AP2B1: variants seen among roughly 807,000 people sequenced by gnomAD.
AP2B1 encodes AP-2 complex subunit beta.
Under a neutral mutation model 102.0 loss-of-function variants are expected in AP2B1, and 23 were observed. The ratio of observed to expected loss-of-function variants is 0.23; its 90% CI spans 0.16 to 0.32. The LOEUF is 0.32. Ranked by LOEUF, AP2B1 falls within the 10% of genes least tolerant of loss-of-function variation. AP2B1 has a pLI of 1.00. For missense variants in AP2B1, 541 were observed against 1,157.4 expected, an observed-to-expected ratio of 0.47 and a Z score of 7.73; for synonymous variants, 381 against 421.2, an observed-to-expected ratio of 0.90 and a Z score of 1.17.
intron 5 of AP2B1, among the ~76,000 whole-genome samples, chr17:35,616,296 C>T (rs113416187): frequency 0.13 from 20,197 of 150,964 alleles, 1,373 homozygotes; most frequent in Middle Eastern, 0.17. Context: ...TTCTGAGTAG[C>T]TGGGACTACA....
At chr17:35,659,124 C>T (rs1432543185) in intron 14 of AP2B1, among the ~76,000 whole-genome samples, 1 of 152,160 alleles carries the variant, frequency 6.6e-6, no homozygotes. Flanking sequence ...TCCTTATAGA[C>T]TCCGGAGAGT....
Position 35,587,398 on chromosome 17 carries a change from AC to A in AP2B1, c.-49del. ...GCTGTGCTCTCCGGCTCCCGCCGCC[AC>A]CCCCGCCCTCGCCTTCGCCTCCGCC... is the stretch of plus-strand genomic sequence containing the variant. On this transcript the variant is annotated 5_prime_UTR_variant, in exon 1 of 22. Coordinates refer to ENST00000610402, the MANE Select transcript of AP2B1 (RefSeq NM_001030006.2). 1.3e-5 allele frequency: 2 copies of A among 153,272 alleles called. No homozygotes were observed. Among genetic ancestry groups the A allele is most frequent in the Non-Finnish European group, 2.9e-5 (2 of 68,972 alleles). The allele number at this position is 153,272 out of a possible 1,614,324, so 9.5% of individuals were successfully genotyped here. A position where few individuals can be genotyped will look rare whatever the true frequency, so the allele number is the denominator to read the frequency against.
chr17:35,699,971 G>A (rs192028839), intron 18 of AP2B1, among the ~76,000 whole-genome samples: 21 of 152,110 alleles, frequency 1.4e-4, no homozygotes, highest in Non-Finnish European at 2.4e-4. Context: ...TGGCACATGC[G>A]TGTAGTTTCA....
chr17:35,631,028 A>G (rs1484645191), intron 9 of AP2B1, among the ~76,000 whole-genome samples: 1 of 152,206 alleles, frequency 6.6e-6, no homozygotes, highest in Admixed American at 6.5e-5. Flanking sequence ...AAGAATTGTA[A>G]TGAACTTTCT....
intron 5 of AP2B1, among the ~76,000 whole-genome samples, chr17:35,622,630 T>C (rs2074211191): frequency 6.6e-6 from 1 of 152,198 alleles, no homozygotes; most frequent in Admixed American, 6.5e-5. Context: ...TGCTGAAGCT[T>C]GTCTCCTATC....
chr17:35,597,358 G>A (rs73990211), intron 2 of AP2B1, among the ~76,000 whole-genome samples: 6,758 of 151,988 alleles, frequency 0.044, 181 homozygotes, highest in African/African-American at 0.07. Context: ...TTTTGGTTCC[G>A]GCTTCTTGCA....
chr17:35,678,665 T>C (rs2075752858), intron 17 of AP2B1, among the ~76,000 whole-genome samples: 1 of 152,224 alleles, frequency 6.6e-6, no homozygotes, highest in African/African-American at 2.4e-5. Context: ...CAGTTGACTT[T>C]TCAAATGTTA....
At chr17:35,609,522 A>G (rs1000156535) in intron 5 of AP2B1, among the ~76,000 whole-genome samples, 22 of 151,718 alleles carry the variant, frequency 1.5e-4, no homozygotes, top group African/African-American at 4.8e-4. Flanking sequence ...AATTTTTTGT[A>G]TTTTTTAGTA....
rs369015632 is a variant in AP2B1, at chr17:35,624,561, C to T, written c.690C>T (p.Asn230=). Residue 230 remains asparagine (N), a synonymous_variant, in exon 6 of 22, where the codon AAC becomes AAT. Coordinates refer to ENST00000610402, the MANE Select transcript of AP2B1 (RefSeq NM_001030006.2). ...TCCTGGACTGCCTGTCTAATTACAACCCTAAAGATGATCGGGAGGCTCAGA... is the reference window on the plus strand; with the variant it reads ...TCCTGGACTGCCTGTCTAATTACAATCCTAAAGATGATCGGGAGGCTCAGA... ...IFILDCLSNY[N]PKDDREAQSI... 3 of 1,613,126 alleles carry T rather than the reference C, an allele frequency of 1.9e-6. No homozygotes were observed. Among genetic ancestry groups the T allele is most frequent in the African/African-American group, 2.7e-5 (2 of 74,892 alleles).
At chr17:35,691,177 A>G (rs982879785) in intron 18 of AP2B1, among the ~76,000 whole-genome samples, 1 of 152,160 alleles carries the variant, frequency 6.6e-6, no homozygotes, top group South Asian at 2.1e-4. Context: ...AGTGCTGAAG[A>G]CACTAGCTGC....
At chr17:35,685,219 C>T (rs2075906205) in intron 18 of AP2B1, among the ~76,000 whole-genome samples, 1 of 152,130 alleles carries the variant, frequency 6.6e-6, no homozygotes, top group Non-Finnish European at 1.5e-5. Context: ...ATATGATAAA[C>T]AAAACTTGAA....
chr17:35,711,030 C>G (rs1376569568), intron 20 of AP2B1, among the ~76,000 whole-genome samples: 3 of 152,108 alleles, frequency 2.0e-5, no homozygotes, highest in African/African-American at 4.8e-5. Flanking sequence ...AACTTTGTTA[C>G]TGTAAAAGAA....
chr17:35,593,955 G>A lies in AP2B1; in HGVS notation c.-23-53G>A, dbSNP rs191253929. 540 of 897,086 alleles carry A rather than the reference G, an allele frequency of 6.0e-4. 3 individuals are homozygous for A. The highest frequency in any genetic ancestry group is 2.3e-4 in the Non-Finnish European group (141 of 610,622). The allele number at this position is 897,086 out of a possible 1,614,324, so 55.6% of individuals were successfully genotyped here. A position where few individuals can be genotyped will look rare whatever the true frequency, so the allele number is the denominator to read the frequency against. On this transcript the variant is annotated intron_variant, in intron 1 of 21. Coordinates refer to ENST00000610402, the MANE Select transcript of AP2B1 (RefSeq NM_001030006.2). The stretch of plus-strand genomic sequence containing the variant: ...TGGATGTTCTTAAAATTAATTGGAT[G>A]CCTTGTTGGATATCTATAACCTGAA...
chr17:35,636,089 T>C (rs1419084833), intron 9 of AP2B1, among the ~76,000 whole-genome samples: 1 of 152,188 alleles, frequency 6.6e-6, no homozygotes, highest in Non-Finnish European at 1.5e-5. Context: ...CAGATGTTTA[T>C]ACATCATGAG....
intron 20 of AP2B1, 113 bp downstream of exon 20, chr17:35,710,433 C>A: frequency 1.4e-6 from 1 of 714,786 alleles, no homozygotes; most frequent in Non-Finnish European, 2.4e-6. Context: ...TACTATGTTT[C>A]TAGTGGGTAT....
chr17:35,597,100 G>C, intron 2 of AP2B1: 1 of 533,222 alleles, frequency 1.9e-6, no homozygotes. Context: ...GGGCCACTGA[G>C]GCAGCAGTAG....
intron 14 of AP2B1, among the ~76,000 whole-genome samples, chr17:35,660,392 G>C (rs1280531420): frequency 6.6e-6 from 1 of 151,996 alleles, no homozygotes; most frequent in Non-Finnish European, 1.5e-5. Flanking sequence ...TAAGGACATA[G>C]AATATCTTGT....
At chr17:35,666,110 A>G (rs559261791) in intron 14 of AP2B1, among the ~76,000 whole-genome samples, 79 of 152,144 alleles carry the variant, frequency 5.2e-4, no homozygotes, top group Non-Finnish European at 1.1e-3. Flanking sequence ...TTTGTTATCT[A>G]TAGCTGAACT....
chr17:35,605,461 G>C (rs1053625142), intron 3 of AP2B1, among the ~76,000 whole-genome samples: 17 of 152,204 alleles, frequency 1.1e-4, no homozygotes, highest in Admixed American at 5.9e-4. Flanking sequence ...TGTTGGTCAG[G>C]CTAGTCTCAA....
Sources: gnomAD v4.1 joint callset for allele counts (sites outside exome capture counted in the v4.1 genomes callset) on GRCh38, gnomAD v4.1.1 for gene constraint, MANE v1.5 for transcripts, NCBI Gene and HGNC (gene_info 2026-07-23, HGNC 2026-07-21) for gene names.